TRPM2: variants seen among roughly 807,000 people sequenced by gnomAD.
TRPM2 encodes transient receptor potential cation channel subfamily M member 2.
TRPM2 carries 161 observed loss-of-function variants against 174.0 expected under a neutral mutation model. That is an observed-to-expected ratio of 0.93 (90% confidence interval 0.81 to 1.05). The LOEUF is 1.05. Ranked by LOEUF, TRPM2 falls within the 50% of genes least tolerant of loss-of-function variation. TRPM2 has a pLI of 0.00. For missense variants in TRPM2, 2,057 were observed against 2,038.0 expected, an observed-to-expected ratio of 1.01 and a Z score of -0.18; for synonymous variants, 954 against 861.3, an observed-to-expected ratio of 1.11 and a Z score of -1.88.
Position 44,399,568 on chromosome 21 carries a change from AG to A in TRPM2, c.2208+128del, listed in dbSNP as rs2049545075. 3 of 1,322,478 alleles carry A rather than the reference AG, an allele frequency of 2.3e-6. No individual in the cohort carries two copies. Among genetic ancestry groups the A allele is most frequent in the Non-Finnish European group, 3.0e-6 (3 of 1,001,962 alleles). The allele number at this position is 1,322,478 out of a possible 1,614,324, so 81.9% of individuals were successfully genotyped here. On this transcript the variant is annotated intron_variant, in intron 14 of 31. Transcript: ENST00000397928. This position sits in a 1 kb window ranked among gnomAD's most constrained non-coding sequence, Gnocchi z 4.6. ...TCAGGGCCCTCAGCAGCTCGGGGAC[AG>A]CGCCTGACCCCTCGGCCACCTGCTC...
Position 44,418,475 on chromosome 21 carries a change from C to T in TRPM2, c.3381C>T (p.Tyr1127=), listed in dbSNP as rs983772839. ...CGGCCCTGCTATCCTGGGAGATCTA[C>T]CTGAAGGAGAACTACCTCCAGAACC... ...EEAALLSWEI[Y]LKENYLQNRQ... is the part of the protein sequence containing the mutation. The change falls in exon 22 of 32, where the codon TAC becomes TAT. Residue 1127 remains tyrosine, a synonymous_variant. Coordinates refer to ENST00000397928, the MANE Select transcript of TRPM2 (RefSeq NM_003307.4). The T allele has an allele frequency of 1.1e-5, 17 of 1,614,004 alleles. No individual in the cohort carries two copies. Among genetic ancestry groups the T allele is most frequent in the South Asian group, 3.3e-5 (3 of 91,092 alleles).
chr21:44,432,632 T>C lies in TRPM2; in HGVS notation c.3975-2499T>C, dbSNP rs1435628925. 6.6e-6 allele frequency among the ~76,000 whole-genome samples: 1 copy of C among 152,188 alleles called. No homozygotes were observed. The highest frequency in any genetic ancestry group is 1.5e-5 in the Non-Finnish European group (1 of 68,036). On this transcript the variant is annotated intron_variant, in intron 27 of 31. Coordinates refer to ENST00000397928, the MANE Select transcript of TRPM2 (RefSeq NM_003307.4). This position sits in a 1 kb window ranked among gnomAD's most constrained non-coding sequence, Gnocchi z 4.9. The stretch of plus-strand genomic sequence containing the variant: ...TCCTCCTGCCCTCTTGCATTGCTCC[T>C]GCCAACATAAACTAAACAAGCCCCT...
intron 22 of TRPM2, chr21:44,422,343 G>A: frequency 6.5e-7 from 1 of 1,536,160 alleles, no homozygotes; most frequent in Non-Finnish European, 8.7e-7. Context: ...TCTCACGGTG[G>A]TGGAATCACG....
chr21:44,441,796 T>G lies in TRPM2; in HGVS notation c.4491T>G (p.Ala1497=). The G allele has an allele frequency of 6.2e-7, 1 of 1,610,192 alleles. No homozygotes were observed. The change falls in exon 32 of 32, where the codon GCT becomes GCG. Residue 1497 remains alanine, a synonymous_variant. Transcript: ENST00000397928. ...AGACCCTCCTCCAGAAGGCAGCCGC[T>G]GAGTTCGGGGCTCACTACTGACTGT... is the stretch of plus-strand genomic sequence containing the variant. The part of the protein sequence containing the change: ...NHKTLLQKAA[A]EFGAHY
At chr21:44,404,128 TACAC>T (rs1321012205) in intron 16 of TRPM2, among the ~76,000 whole-genome samples, 3 of 150,984 alleles carry the variant, frequency 2.0e-5, no homozygotes, top group East Asian at 3.9e-4. Flanking sequence ...TGAATGAACA[TACAC>T]ATATGAACAC....
chr21:44,423,789 G>A, intron 23 of TRPM2, 57 bp downstream of exon 23: 3 of 1,422,006 alleles, frequency 2.1e-6, no homozygotes, highest in East Asian at 2.4e-5. Flanking sequence ...CTGGTGGGCG[G>A]CTCTGCCATG....
In TRPM2 at chr21:44,366,786, C is replaced by T. The variant is rs142312916; in HGVS notation, c.456C>T (p.Ser152=). The change falls in exon 4 of 32, where the codon AGC becomes AGT. Residue 152 remains serine, a synonymous_variant. Coordinates refer to ENST00000397928, the MANE Select transcript of TRPM2 (RefSeq NM_003307.4). The surrounding 1 kb of genome is among the most constrained non-coding windows in gnomAD (Gnocchi z 6.0). ...GAGTCTCCCAGGACACGCCCTCCAG[C>T]GTGATCTACCACCTCATGACCCAGC... The part of the protein sequence containing the change: ...YVRVSQDTPS[S]VIYHLMTQHW... 2.7e-5 allele frequency: 43 copies of T among 1,613,878 alleles called. No individual in the cohort carries two copies. The African/African-American group carries it at 4.9e-4, about 19-fold the overall frequency.
In TRPM2 at chr21:44,440,803, C is replaced by T. The variant is rs1193105003; in HGVS notation, c.4284C>T (p.Tyr1428=). ...TGCCCATCCAGGTGTACAAAGGCTA[C>T]ATGGATGACCCGAGGAACACGGACA... The part of the protein sequence containing the change: ...LKCGMEVYKG[Y]MDDPRNTDNA... The change falls in exon 31 of 32, where the codon TAC becomes TAT. Residue 1428 remains tyrosine (Y), a synonymous_variant. Coordinates refer to ENST00000397928, the MANE Select transcript of TRPM2 (RefSeq NM_003307.4). 6.2e-7 allele frequency: 1 copy of T among 1,613,778 alleles called. No homozygotes were observed. The highest frequency in any genetic ancestry group is 1.1e-5 in the South Asian group (1 of 91,070).
At position 44,437,195 on chromosome 21, in the gene TRPM2, T is replaced by C. The variant is rs1489705310; in HGVS notation, c.4167+28T>C. On this transcript the variant is annotated intron_variant, in intron 29 of 31. Transcript: ENST00000397928. ...AAGGCTGCCGCGTGTGGGACCTCTG[T>C]CCACTGGGCTGTCTGTGGGTCACTC... 11 of 1,533,560 alleles carry C rather than the reference T, an allele frequency of 7.2e-6. 1 individual carries two copies. In the South Asian group the frequency reaches 1.3e-4, roughly 18 times the overall value. 95.0% of individuals were successfully genotyped at this position (1,533,560 alleles called of 1,614,324 possible). A position where few individuals can be genotyped will look rare whatever the true frequency, so the allele number is the denominator to read the frequency against.
intron 5 of TRPM2, among the ~76,000 whole-genome samples, chr21:44,375,068 T>C (rs2048655723): frequency 6.6e-6 from 1 of 152,168 alleles, no homozygotes; most frequent in Admixed American, 6.5e-5. Context: ...TGCACCACCA[T>C]GCCCGGCTAA....
Position 44,367,060 on chromosome 21 carries a change from CTGAG to C in TRPM2, c.604+128_604+131del. On this transcript the variant is annotated intron_variant, in intron 4 of 31. Transcript: ENST00000397928. The surrounding 1 kb of genome is among the most constrained non-coding windows in gnomAD (Gnocchi z 4.6). Reference sequence around the variant, plus strand: ...GGAGCCGCCGAGGCTGTGCCCCAGCCTGAGTCGGACCCATGCACCTCTCACCTGG... The same window carrying C: ...GGAGCCGCCGAGGCTGTGCCCCAGCCTCGGACCCATGCACCTCTCACCTGG... 1 of 1,160,872 alleles carries C rather than the reference CTGAG, an allele frequency of 8.6e-7. No individual in the cohort carries two copies. The highest frequency in any genetic ancestry group is 1.2e-6 in the Non-Finnish European group (1 of 847,530). The allele number at this position is 1,160,872 out of a possible 1,614,324, so 71.9% of individuals were successfully genotyped here.
At chr21:44,404,992 G>T in intron 16 of TRPM2, 150 bp from the exon 17 acceptor site, 1 of 657,660 alleles carries the variant, frequency 1.5e-6, no homozygotes, top group Non-Finnish European at 2.8e-6. Flanking sequence ...GACAGTGATG[G>T]TGACAGCAAG....
At chr21:44,426,883 T>C (rs2050807297) in intron 26 of TRPM2, 127 bp from the exon 27 acceptor site, 1 of 1,314,994 alleles carries the variant, frequency 7.6e-7, no homozygotes, top group African/African-American at 1.5e-5. Flanking sequence ...GCCCAGCTCC[T>C]ACTGTTGTGT....
Position 44,399,501 on chromosome 21 carries a change from A to G in TRPM2, c.2208+60A>G, listed in dbSNP as rs2049542010. 7 of 1,557,556 alleles carry G rather than the reference A, an allele frequency of 4.5e-6. No homozygotes were observed. In the African/African-American group the frequency reaches 9.5e-5, roughly 21 times the overall value. ...CCTGTGGTGCCTGCAGGGCGGACAC[A>G]GCCTCCTGTTCGTGCAGTTGGCACG... On this transcript the variant is annotated intron_variant, in intron 14 of 31. Coordinates refer to ENST00000397928, the MANE Select transcript of TRPM2 (RefSeq NM_003307.4). This position sits in a 1 kb window ranked among gnomAD's most constrained non-coding sequence, Gnocchi z 4.6.
chr21:44,406,581 C>G lies in TRPM2; in HGVS notation c.2791-13C>G, dbSNP rs1318964267. On this transcript the variant is annotated splice_polypyrimidine_tract_variant and intron_variant, in intron 18 of 31. Coordinates refer to ENST00000397928, the MANE Select transcript of TRPM2 (RefSeq NM_003307.4). ...GCCAGGAGAGTGTAGCCCACACACT[C>G]TCTGTCCTGCAGATGAAGGACGTCT... The G allele has an allele frequency of 1.2e-6, 2 of 1,605,064 alleles. No homozygotes were observed. Among genetic ancestry groups the G allele is most frequent in the Non-Finnish European group, 1.7e-6 (2 of 1,178,590 alleles).
rs200409451 is a variant in TRPM2, at chr21:44,391,472, G to C, written c.1641G>C (p.Pro547=). 572 of 1,610,742 alleles carry C rather than the reference G, an allele frequency of 3.6e-4. 5 individuals are homozygous for C. In the East Asian group the frequency reaches 0.01, roughly 29 times the overall value. The change falls in exon 11 of 32, where the codon CCG becomes CCC. Residue 547 remains proline, a synonymous_variant. Coordinates refer to ENST00000397928, the MANE Select transcript of TRPM2 (RefSeq NM_003307.4). This position sits in a 1 kb window ranked among gnomAD's most constrained non-coding sequence, Gnocchi z 5.0. The part of the protein sequence containing the change: ...QKVLVEDPER[P]ACAPAAPRLQ... ...TGCTGGTGGAGGATCCCGAGCGCCC[G>C]GCTTGCGCGCCCGCGGCGCCCCGCC... is the stretch of plus-strand genomic sequence containing the variant.
intron 16 of TRPM2, among the ~76,000 whole-genome samples, chr21:44,403,434 C>T (rs1569070090): frequency 6.6e-6 from 1 of 152,166 alleles, no homozygotes; most frequent in Non-Finnish European, 1.5e-5. Flanking sequence ...GCAGCTGGCG[C>T]CTGACATTGA....
At chr21:44,441,059 CG>C (rs1404685184) in intron 31 of TRPM2, among the ~76,000 whole-genome samples, 154 bp downstream of exon 31, 1 of 151,980 alleles carries the variant, frequency 6.6e-6, no homozygotes, top group East Asian at 1.9e-4. Context: ...AGGCGGGGAC[CG>C]GGGTCTGGAT....
rs756350811 is a variant in TRPM2, at chr21:44,405,280, T to C, written c.2657+20T>C. 1 of 1,610,416 alleles carries C rather than the reference T, an allele frequency of 6.2e-7. No homozygotes were observed. Among genetic ancestry groups the C allele is most frequent in the Non-Finnish European group, 8.5e-7 (1 of 1,179,768 alleles). ...CTGCAGGTGAGTGGCCTCACCCCGA[T>C]GGCGGGCCCGTCTGAGGCAGCCAGC... is the stretch of plus-strand genomic sequence containing the variant. On this transcript the variant is annotated intron_variant, in intron 17 of 31. Transcript: ENST00000397928.
Sources: gnomAD v4.1 joint callset for allele counts (sites outside exome capture counted in the v4.1 genomes callset) on GRCh38, gnomAD v4.1.1 for gene constraint, Gnocchi (gnomAD v3.1) non-coding constraint, MANE v1.5 for transcripts, NCBI Gene and HGNC (gene_info 2026-07-23, HGNC 2026-07-21) for gene names.